GALNT1: variants seen among roughly 807,000 people sequenced by gnomAD.
GALNT1 encodes the protein GalNAc transferase 1.
Under a neutral mutation model 65.7 loss-of-function variants are expected in GALNT1, and 17 were observed. The observed-to-expected ratio is 0.26, with a 90% confidence interval of 0.18 to 0.39. The LOEUF is 0.39. Ranked by LOEUF, GALNT1 falls within the 10% of genes least tolerant of loss-of-function variation. GALNT1 has a pLI of 1.00. For missense variants in GALNT1, 460 were observed against 672.8 expected, an observed-to-expected ratio of 0.68 and a Z score of 3.50; for synonymous variants, 210 against 219.7, an observed-to-expected ratio of 0.96 and a Z score of 0.39.
chr18:35,672,139 A>G (rs921783853), intron 3 of GALNT1, among the ~76,000 whole-genome samples: 2 of 152,186 alleles, frequency 1.3e-5, no homozygotes, highest in Admixed American at 6.5e-5. Context: ...TATCTCTAAG[A>G]TAAAGAGAAT....
chr18:35,690,605 G>T (rs2047945541), intron 7 of GALNT1, among the ~76,000 whole-genome samples: 1 of 151,968 alleles, frequency 6.6e-6, no homozygotes. Context: ...TCTGTATTTA[G>T]CCTTTAACCT....
chr18:35,686,786 C>T (rs1041551749), intron 5 of GALNT1, among the ~76,000 whole-genome samples: 7 of 151,942 alleles, frequency 4.6e-5, no homozygotes, highest in African/African-American at 1.7e-4. Context: ...TGATCCCAGC[C>T]GTGGTCCCAG....
At position 35,601,615 on chromosome 18, in the gene GALNT1, T is replaced by C. The variant is rs76946647; in HGVS notation, c.-104+19753T>C. 5.6e-3 allele frequency among the ~76,000 whole-genome samples: 858 copies of C among 152,314 alleles called. 21 individuals are homozygous for C. In the East Asian group the frequency reaches 0.064, roughly 11 times the overall value. ...GATTTTGATACGTTGTGTATCCTCATTATTGATTTCTGGTTTTACTTCATC... is the reference window on the plus strand; with the variant it reads ...GATTTTGATACGTTGTGTATCCTCACTATTGATTTCTGGTTTTACTTCATC... On this transcript the variant is annotated intron_variant, in intron 1 of 11. Transcript: ENST00000269195.
At chr18:35,633,066 A>G (rs1407854356) in intron 1 of GALNT1, among the ~76,000 whole-genome samples, 1 of 152,228 alleles carries the variant, frequency 6.6e-6, no homozygotes, top group East Asian at 1.9e-4. Context: ...GAGGTTGTGG[A>G]GAAATAGGAA....
At chr18:35,642,154 C>T (rs897086096) in intron 1 of GALNT1, among the ~76,000 whole-genome samples, 2 of 152,122 alleles carry the variant, frequency 1.3e-5, no homozygotes, top group Admixed American at 6.5e-5. Flanking sequence ...CTTGCACATG[C>T]GTACTAGTAG....
At chr18:35,609,042 C>G (rs1280259810) in intron 1 of GALNT1, among the ~76,000 whole-genome samples, 1 of 152,168 alleles carries the variant, frequency 6.6e-6, no homozygotes, top group African/African-American at 2.4e-5. Flanking sequence ...ATAGAAAACT[C>G]TTCTCATTAC....
intron 5 of GALNT1, among the ~76,000 whole-genome samples, 200 bp downstream of exon 5, chr18:35,683,798 T>C (rs955949131): frequency 2.6e-5 from 4 of 152,218 alleles, no homozygotes; most frequent in Non-Finnish European, 5.9e-5. Context: ...TGCAAACTGT[T>C]GTACTAATGA....
At chr18:35,595,881 A>G (rs939913582) in intron 1 of GALNT1, 1 of 152,216 alleles carries the variant, frequency 6.6e-6, no homozygotes, top group Non-Finnish European at 1.5e-5. Flanking sequence ...TTTCTGAATT[A>G]GAATATTATG....
intron 4 of GALNT1, among the ~76,000 whole-genome samples, chr18:35,681,985 C>G (rs915335676): frequency 1.1e-4 from 16 of 152,074 alleles, no homozygotes; most frequent in African/African-American, 3.9e-4. Context: ...TATAATGAGA[C>G]TAGCATTACA....
intron 1 of GALNT1, among the ~76,000 whole-genome samples, chr18:35,632,008 C>T: frequency 6.6e-6 from 1 of 152,144 alleles, no homozygotes; most frequent in East Asian, 1.9e-4. Flanking sequence ...TGAAGGACCT[C>T]TTCAAGGAGA....
In GALNT1 at chr18:35,689,300, CTTAAAAAAAT is replaced by C. The variant is rs751634106; in HGVS notation, c.978+15_978+24del. 3.5e-5 allele frequency: 52 copies of C among 1,484,600 alleles called. No individual in the cohort carries two copies. The highest frequency in any genetic ancestry group is 4.7e-5 in the Non-Finnish European group (50 of 1,074,906). 92.0% of individuals were successfully genotyped at this position (1,484,600 alleles called of 1,614,324 possible). On this transcript the variant is annotated intron_variant, in intron 7 of 11. Transcript: ENST00000269195. ...AGAAATTTCCTTTAGGGTAAGTTCCCTTAAAAAAATTTAATCTTTTATTTAACTTCAAGTA... is the reference window on the plus strand; with the variant it reads ...AGAAATTTCCTTTAGGGTAAGTTCCCTTAATCTTTTATTTAACTTCAAGTA...
intron 1 of GALNT1, among the ~76,000 whole-genome samples, chr18:35,624,317 T>C (rs753190658): frequency 2.0e-5 from 3 of 152,244 alleles, no homozygotes; most frequent in Non-Finnish European, 2.9e-5. Context: ...ACTTCCTTCT[T>C]GAGTTTCAGT....
intron 4 of GALNT1, among the ~76,000 whole-genome samples, chr18:35,678,761 C>A (rs936114399): frequency 2.0e-5 from 3 of 152,176 alleles, no homozygotes; most frequent in Non-Finnish European, 2.9e-5. Flanking sequence ...CTTGCCTATT[C>A]TCCCATTGCA....
intron 1 of GALNT1, chr18:35,597,274 A>G (rs1316341996): frequency 6.6e-6 from 1 of 152,204 alleles, no homozygotes; most frequent in Non-Finnish European, 1.5e-5. Flanking sequence ...AAGAACCTCC[A>G]GGAATCCCTT....
intron 3 of GALNT1, among the ~76,000 whole-genome samples, chr18:35,665,014 G>A (rs958715456): frequency 2.4e-4 from 37 of 152,184 alleles, no homozygotes; most frequent in African/African-American, 8.9e-4. Context: ...CAACTTAATG[G>A]CACAGCCTGA....
chr18:35,581,737 G>C (rs1268973189), upstream of GALNT1: 2 of 23,016 alleles, frequency 8.7e-5, no homozygotes, highest in Non-Finnish European at 8.2e-5. Flanking sequence ...GGGAGCCGCC[G>C]GCAGTGGCCG....
At chr18:35,664,424 A>T (rs1222085607) in intron 3 of GALNT1, 1 of 152,262 alleles carries the variant, frequency 6.6e-6, no homozygotes, top group Non-Finnish European at 1.5e-5. Context: ...AGTGATTTGT[A>T]ATATGAATAT....
intron 8 of GALNT1, among the ~76,000 whole-genome samples, chr18:35,691,897 A>AT (rs1237299911): frequency 6.6e-6 from 1 of 152,152 alleles, no homozygotes; most frequent in African/African-American, 2.4e-5. Context: ...ATAGACCTTG[A>AT]TTTTTTTGTT....
At chr18:35,631,075 C>T (rs2047000872) in intron 1 of GALNT1, among the ~76,000 whole-genome samples, 2 of 151,966 alleles carry the variant, frequency 1.3e-5, no homozygotes. Context: ...GCTTACCACC[C>T]AAAAAAAGTC....
Sources: gnomAD v4.1 joint callset for allele counts (sites outside exome capture counted in the v4.1 genomes callset) on GRCh38, gnomAD v4.1.1 for gene constraint, MANE v1.5 for transcripts, NCBI Gene and HGNC (gene_info 2026-07-23, HGNC 2026-07-21) for gene names.